Variants in NDUFAF2 observed in about 807,000 individuals in gnomAD.
NDUFAF2 encodes the protein NADH dehydrogenase [ubiquinone] 1 alpha subcomplex assembly factor 2.
Under a neutral mutation model 22.8 loss-of-function variants are expected in NDUFAF2, and 13 were observed. That is an observed-to-expected ratio of 0.57 (90% CI 0.37 to 0.91). The LOEUF (loss-of-function observed/expected upper bound fraction) is 0.91, where lower values mean the gene tolerates loss of function less well. Among genes scored for constraint, NDUFAF2 ranks in the 40% least tolerant of loss-of-function variants. NDUFAF2 has a pLI of 0.01. For missense variants in NDUFAF2, 162 were observed against 195.2 expected, an observed-to-expected ratio of 0.83 and a Z score of 1.01; for synonymous variants, 53 against 64.2, an observed-to-expected ratio of 0.83 and a Z score of 0.84.
At chr5:60,947,636 C>T (rs550532978) in intron 1 of NDUFAF2, among the ~76,000 whole-genome samples, 11 of 151,864 alleles carry the variant, frequency 7.2e-5, no homozygotes, top group South Asian at 2.1e-4. Context: ...CATGGTGGCA[C>T]GCGCCTGTAA....
At chr5:61,098,006 G>A (rs562066207) in intron 2 of NDUFAF2, among the ~76,000 whole-genome samples, 1 of 152,186 alleles carries the variant, frequency 6.6e-6, no homozygotes, top group African/African-American at 2.4e-5. Flanking sequence ...TTTTCTCACA[G>A]TCTCCTATAC....
intron 1 of NDUFAF2, among the ~76,000 whole-genome samples, chr5:60,954,634 C>G (rs1055800747): frequency 2.0e-5 from 3 of 152,084 alleles, no homozygotes; most frequent in African/African-American, 7.2e-5. Flanking sequence ...TTAATTTTGT[C>G]TCTTAGAAAT....
In NDUFAF2 at chr5:61,059,095, GGAAGTAAAT is replaced by G. The variant is rs534590818; in HGVS notation, c.128-14021_128-14013del. Reference sequence around the variant, plus strand: ...TGTGTGATTTCCACAGTAATGGAAGGGAAGTAAATGAAGTAAAGGCATTTCTAAGACTTA... The same window carrying G: ...TGTGTGATTTCCACAGTAATGGAAGGGAAGTAAAGGCATTTCTAAGACTTA... On this transcript the variant is annotated intron_variant, in intron 1 of 3. Transcript: ENST00000296597. Among the ~76,000 whole-genome samples the G allele has an allele frequency of 2.7e-4, 41 of 152,098 alleles. No homozygotes were observed. In the East Asian group the frequency reaches 6.6e-3, roughly 24 times the overall value.
chr5:61,056,080 G>A (rs1752083879), intron 1 of NDUFAF2, among the ~76,000 whole-genome samples: 1 of 152,140 alleles, frequency 6.6e-6, no homozygotes, highest in South Asian at 2.1e-4. Context: ...GAACCTGGAA[G>A]CTTATAAGAA....
intron 3 of NDUFAF2, among the ~76,000 whole-genome samples, chr5:61,133,183 T>C (rs1407634514): frequency 1.3e-5 from 2 of 152,202 alleles, no homozygotes; most frequent in Non-Finnish European, 2.9e-5. Flanking sequence ...GTATTTGTTA[T>C]TGTAGTTGTG....
rs537537014 is a variant in NDUFAF2, at chr5:60,945,456, C to T, written c.127+74C>T. The T allele has an allele frequency of 6.6e-4, 1,057 of 1,597,282 alleles. 1 individual carries two copies. The highest frequency in any genetic ancestry group is 8.6e-4 in the Non-Finnish European group (1,002 of 1,165,592). Reference sequence around the variant, plus strand: ...CAGTAAAGGAGGGAAAAGTGAGAGCCCCTAGTCAACTAACGCATCATGCGA... The same window carrying T: ...CAGTAAAGGAGGGAAAAGTGAGAGCTCCTAGTCAACTAACGCATCATGCGA... On this transcript the variant is annotated intron_variant, in intron 1 of 3. Coordinates refer to ENST00000296597, the MANE Select transcript of NDUFAF2 (RefSeq NM_174889.5).
At chr5:61,132,427 C>T (rs953411385) in intron 3 of NDUFAF2, among the ~76,000 whole-genome samples, 10 of 152,130 alleles carry the variant, frequency 6.6e-5, no homozygotes, top group African/African-American at 2.4e-4. Flanking sequence ...AGAATTCTCA[C>T]CTCAATTTGT....
chr5:61,150,607 AC>A (rs1561140722), intron 3 of NDUFAF2, among the ~76,000 whole-genome samples: 1 of 152,198 alleles, frequency 6.6e-6, no homozygotes, highest in Admixed American at 6.5e-5. Context: ...TAAGACTGCA[AC>A]TATAGAGGTG....
intron 1 of NDUFAF2, among the ~76,000 whole-genome samples, chr5:61,034,910 A>ATG (rs200108799): frequency 0.16 from 14,169 of 89,032 alleles, 869 homozygotes; most frequent in South Asian, 0.24. Flanking sequence ...AGGCAAATAT[A>ATG]TATGTGTGTG....
intron 1 of NDUFAF2, among the ~76,000 whole-genome samples, chr5:61,034,858 A>T (rs919076575): frequency 6.6e-6 from 1 of 151,878 alleles, no homozygotes; most frequent in African/African-American, 2.4e-5. Flanking sequence ...CTGCTTTTAT[A>T]TGTGAATTCA....
chr5:61,056,919 A>AATATATATATATATATATATATATAT (rs1174310851), intron 1 of NDUFAF2, among the ~76,000 whole-genome samples: 2 of 28,808 alleles, frequency 6.9e-5, no homozygotes, highest in Admixed American at 6.1e-4. Context: ...AAAAAAAAAA[A>AATATATATATATATATATATATATAT]ATATATATAT....
intron 1 of NDUFAF2, among the ~76,000 whole-genome samples, chr5:61,015,680 A>G (rs1751498057): frequency 1.3e-5 from 2 of 152,348 alleles, no homozygotes; most frequent in East Asian, 1.9e-4. Flanking sequence ...ATCTTTCCAC[A>G]TTAGTGCACA....
At chr5:61,029,310 G>T (rs1751694917) in intron 1 of NDUFAF2, among the ~76,000 whole-genome samples, 1 of 152,000 alleles carries the variant, frequency 6.6e-6, no homozygotes, top group Non-Finnish European at 1.5e-5. Flanking sequence ...AAAAATAAAA[G>T]GTACAAGATT....
chr5:61,073,950 TGAG>T (rs1209798410), intron 2 of NDUFAF2, among the ~76,000 whole-genome samples: 1 of 152,226 alleles, frequency 6.6e-6, no homozygotes, highest in African/African-American at 2.4e-5. Context: ...TAGTTCACAA[TGAG>T]AAGTACATAG....
intron 2 of NDUFAF2, among the ~76,000 whole-genome samples, chr5:61,094,203 T>G (rs1372393262): frequency 6.6e-6 from 1 of 152,204 alleles, no homozygotes; most frequent in Non-Finnish European, 1.5e-5. Context: ...TTTTTGACTA[T>G]TCTTGTCTGC....
At chr5:61,041,752 A>T (rs1400991725) in intron 1 of NDUFAF2, among the ~76,000 whole-genome samples, 1 of 152,204 alleles carries the variant, frequency 6.6e-6, no homozygotes, top group East Asian at 1.9e-4. Context: ...GAAAAGAGTC[A>T]TTGTTCTTAG....
chr5:61,092,233 T>A (rs7728201), intron 2 of NDUFAF2, among the ~76,000 whole-genome samples: 143 of 152,254 alleles, frequency 9.4e-4, no homozygotes, highest in African/African-American at 3.3e-3. Flanking sequence ...TTCTAAAATA[T>A]TTTTTTCTAG....
intron 3 of NDUFAF2, among the ~76,000 whole-genome samples, chr5:61,147,499 C>A (rs1224669190): frequency 1.5e-5 from 2 of 134,906 alleles, no homozygotes; most frequent in Non-Finnish European, 3.1e-5. Flanking sequence ...GTCATGAACT[C>A]CTGGACTCAA....
chr5:61,110,730 A>G (rs1429077354), intron 3 of NDUFAF2, among the ~76,000 whole-genome samples: 1 of 151,434 alleles, frequency 6.6e-6, no homozygotes, highest in Admixed American at 6.6e-5. Context: ...TCTGGCTAAA[A>G]GTTTGTTGAT....
Sources: allele counts gnomAD v4.1 joint callset (sites outside exome capture counted in the v4.1 genomes callset), GRCh38; gene constraint gnomAD v4.1.1; transcripts MANE v1.5; gene names NCBI Gene and HGNC (gene_info 2026-07-23, HGNC 2026-07-21).